WWP2: variants seen among roughly 807,000 people sequenced by gnomAD.
WWP2 encodes the protein NEDD4-like E3 ubiquitin-protein ligase WWP2.
In WWP2, 57 loss-of-function variants were observed where a neutral mutation model predicts 121.0. The ratio of observed to expected loss-of-function variants is 0.47; its 90% CI spans 0.38 to 0.59. The LOEUF is 0.59. WWP2 is among the 20% of genes least tolerant of loss of function. WWP2 has a pLI of 0.00. For missense variants in WWP2, 962 were observed against 1,158.9 expected (o/e 0.83, Z 2.47); for synonymous variants, 449 against 441.3 (o/e 1.02, Z -0.22).
At chr16:69,835,274 C>T (rs1044607109) in intron 4 of WWP2, among the ~76,000 whole-genome samples, 2 of 152,150 alleles carry the variant, frequency 1.3e-5, no homozygotes, top group African/African-American at 4.8e-5. Context: ...AACTAAGGTT[C>T]TAGTATATGT....
chr16:69,936,560 A>T (rs2058801833), intron 19 of WWP2, 108 bp downstream of exon 19: 9 of 1,488,216 alleles, frequency 6.0e-6, no homozygotes, highest in Non-Finnish European at 6.4e-6. Flanking sequence ...TGTGGATGCC[A>T]TTTGCATTTG....
At chr16:69,777,992 C>T (rs1211778075) in intron 1 of WWP2, among the ~76,000 whole-genome samples, 1 of 150,114 alleles carries the variant, frequency 6.7e-6, no homozygotes, top group Non-Finnish European at 1.5e-5. Flanking sequence ...ATTGCTTGAG[C>T]CCAGGAGGTT....
chr16:69,911,738 A>G lies in WWP2; in HGVS notation c.1004+2888A>G, dbSNP rs181225005. On this transcript the variant is annotated intron_variant, in intron 9 of 23. Transcript: ENST00000359154. ...GTGGCTTGAACATGTGTTTATTTCTATTCTTCCTGAAAACCCACTAAAATA... is the reference window on the plus strand; with the variant it reads ...GTGGCTTGAACATGTGTTTATTTCTGTTCTTCCTGAAAACCCACTAAAATA... Among the ~76,000 whole-genome samples, 26 of 152,334 alleles carry G rather than the reference A, an allele frequency of 1.7e-4. No individual in the cohort carries two copies. The East Asian group carries it at 3.9e-3, about 23-fold the overall frequency.
chr16:69,870,082 T>A (rs2057605871), intron 6 of WWP2, among the ~76,000 whole-genome samples: 1 of 152,222 alleles, frequency 6.6e-6, no homozygotes, highest in African/African-American at 2.4e-5. Flanking sequence ...TACATGAATC[T>A]TTGCATCATT....
At chr16:69,872,010 C>T in intron 7 of WWP2, 79 bp downstream of exon 7, 4 of 1,524,836 alleles carry the variant, frequency 2.6e-6, no homozygotes, top group South Asian at 2.5e-5. Flanking sequence ...GGGATCCTGC[C>T]CACTGTGTCA....
chr16:69,851,008 A>ATTTT (rs35175050), intron 6 of WWP2, among the ~76,000 whole-genome samples: 1 of 109,594 alleles, frequency 9.1e-6, no homozygotes. Flanking sequence ...TCACTCTTTA[A>ATTTT]TTTTTTTTTT....
intron 7 of WWP2, among the ~76,000 whole-genome samples, chr16:69,873,616 A>G (rs2057682788): frequency 6.6e-6 from 1 of 152,230 alleles, no homozygotes; most frequent in East Asian, 1.9e-4. Flanking sequence ...GATGGCCGTG[A>G]GCCATAGTAT....
intron 8 of WWP2, among the ~76,000 whole-genome samples, chr16:69,901,569 C>T (rs1324229540): frequency 2.6e-5 from 4 of 152,018 alleles, no homozygotes; most frequent in South Asian, 2.1e-4. Context: ...TGTACCACCA[C>T]GCCCAGCTAA....
intron 6 of WWP2, among the ~76,000 whole-genome samples, chr16:69,843,995 C>T (rs1173098635): frequency 6.6e-6 from 1 of 152,184 alleles, no homozygotes; most frequent in Non-Finnish European, 1.5e-5. Context: ...TCAGCTTCTC[C>T]AGATTTGGTT....
rs182997788 is a variant in WWP2, at chr16:69,857,693, G to A, written c.576-14111G>A. 2.4e-3 allele frequency among the ~76,000 whole-genome samples: 290 copies of A among 118,590 alleles called. 6 individuals are homozygous for A. The highest frequency in any genetic ancestry group is 0.021 in the East Asian group (88 of 4,132). 77.8% of individuals were successfully genotyped at this position (118,590 alleles called of 152,430 possible). ...TTTTTTTTTTTTGAGACAGGGTTTC[G>A]CTCTGTCACCCAGGCTGGAGTGCAG... On this transcript the variant is annotated intron_variant, in intron 6 of 23. Coordinates refer to ENST00000359154, the MANE Select transcript of WWP2 (RefSeq NM_001270454.2).
At chr16:69,765,090 G>A (rs1473346283) in intron 1 of WWP2, among the ~76,000 whole-genome samples, 1 of 152,100 alleles carries the variant, frequency 6.6e-6, no homozygotes, top group African/African-American at 2.4e-5. Context: ...TGGCTACTCA[G>A]GAGGCTGAGG....
Position 69,935,912 on chromosome 16 carries a change from G to A in WWP2, c.1902G>A (p.Met634Ile). The A allele has an allele frequency of 6.2e-7, 1 of 1,614,086 alleles. No homozygotes were observed. Among genetic ancestry groups the A allele is most frequent in the Non-Finnish European group, 8.5e-7 (1 of 1,180,018 alleles). ...TCACCCTCCCTTTCTACAAGCGGAT[G>A]CTCAATAAGAGACCAACCCTGAAAG... ...TGFTLPFYKR[M>I]LNKRPTLKDL... The change falls in exon 18 of 24, where the codon ATG becomes ATA. Residue 634 changes from methionine to isoleucine, a missense_variant. Transcript: ENST00000359154. This position sits in a 1 kb window ranked among gnomAD's most constrained non-coding sequence, Gnocchi z 5.2.
rs775208468 is a variant in WWP2, at chr16:69,934,035, G to A, written c.1748G>A (p.Gly583Glu). 2 of 1,613,984 alleles carry A rather than the reference G, an allele frequency of 1.2e-6. No individual in the cohort carries two copies. The highest frequency in any genetic ancestry group is 2.2e-5 in the East Asian group (1 of 44,890). The change falls in exon 17 of 24, where the codon GGA (glycine) becomes GAA (glutamate). Residue 583 changes from glycine to glutamate, a missense_variant. Gly to Glu is a moderately conservative substitution (Grantham distance 98, BLOSUM62 -2). This residue lies in a region of WWP2 where 606 missense variants were observed against 772.6 expected (regional missense o/e 0.78). Coordinates refer to ENST00000359154, the MANE Select transcript of WWP2 (RefSeq NM_001270454.2). ...NPMYCLFEYA[G>E]KNNYCLQINP... ...ATGTATTGTTTATTTGAATATGCCG[G>A]AAAGAACAATTACTGCCTGCAGATC...
intron 10 of WWP2, among the ~76,000 whole-genome samples, chr16:69,922,893 CTCTT>C (rs1408237179): frequency 3.4e-5 from 5 of 147,240 alleles, no homozygotes; most frequent in Non-Finnish European, 5.9e-5. Context: ...TTTGCCACGA[CTCTT>C]TTTTTTTTTT....
rs568000661 is a variant in WWP2, at chr16:69,871,142, A to G, written c.576-662A>G. Among the ~76,000 whole-genome samples the G allele has an allele frequency of 5.3e-5, 8 of 152,120 alleles. No individual in the cohort carries two copies. In the East Asian group the frequency reaches 1.4e-3, roughly 26 times the overall value. On this transcript the variant is annotated intron_variant, in intron 6 of 23. Transcript: ENST00000359154. ...CTCCCCAAAAATAAAAAAATGAGCC[A>G]GGCGTGGTGCTGTGTGCCTATAGTC...
intron 21 of WWP2, among the ~76,000 whole-genome samples, chr16:69,938,214 A>G (rs776612270): frequency 6.6e-6 from 1 of 151,794 alleles, no homozygotes; most frequent in Non-Finnish European, 1.5e-5. Context: ...GGGTCTTGCT[A>G]TGGTGCCCAG....
intron 2 of WWP2, among the ~76,000 whole-genome samples, chr16:69,791,682 C>T (rs1326905919): frequency 6.6e-6 from 1 of 152,166 alleles, no homozygotes; most frequent in Non-Finnish European, 1.5e-5. Flanking sequence ...CCATACTTAG[C>T]TAATTCTTAA....
intron 4 of WWP2, among the ~76,000 whole-genome samples, chr16:69,811,501 A>G (rs2056391973): frequency 6.6e-6 from 1 of 152,098 alleles, no homozygotes; most frequent in Non-Finnish European, 1.5e-5. Flanking sequence ...ACCTCCCCAC[A>G]CTTTGGGAGG....
At chr16:69,822,014 G>T (rs1410797178) in intron 4 of WWP2, among the ~76,000 whole-genome samples, 2 of 151,862 alleles carry the variant, frequency 1.3e-5, no homozygotes, top group African/African-American at 4.8e-5. Context: ...GACCAGAAAT[G>T]CACACCACTA....
Sources: allele counts gnomAD v4.1 joint callset (sites outside exome capture counted in the v4.1 genomes callset), GRCh38; gene constraint gnomAD v4.1.1; regional missense constraint gnomAD v4.1.1; non-coding constraint Gnocchi (gnomAD v3.1); transcripts MANE v1.5; gene names NCBI Gene and HGNC (gene_info 2026-07-23, HGNC 2026-07-21).